BCAS4: variants seen among roughly 807,000 people sequenced by gnomAD.
The protein encoded by BCAS4 is breast carcinoma amplified sequence 4.
BCAS4 carries 9 observed loss-of-function variants against 15.7 expected under a neutral mutation model. That is an observed-to-expected ratio of 0.57 (90% confidence interval 0.34 to 1.00). The LOEUF is 1.00. Among genes scored for constraint, BCAS4 ranks in the 50% least tolerant of loss-of-function variants. The pLI, the probability that BCAS4 is intolerant of heterozygous loss-of-function variation, is 0.02. For missense variants in BCAS4, 225 were observed against 239.1 expected (o/e 0.94, Z 0.39); for synonymous variants, 101 against 99.5 (o/e 1.02, Z -0.09).
At chr20:50,848,247 C>T (rs867114005) in intron 4 of BCAS4, among the ~76,000 whole-genome samples, 2 of 152,172 alleles carry the variant, frequency 1.3e-5, no homozygotes, top group African/African-American at 4.8e-5. Context: ...CAGAGTGAGA[C>T]CCTGTCTCTG....
At chr20:50,810,175 C>T (rs1219916649) in intron 1 of BCAS4, among the ~76,000 whole-genome samples, 1 of 151,250 alleles carries the variant, frequency 6.6e-6, no homozygotes, top group East Asian at 1.9e-4. Context: ...AATCTAGTTG[C>T]CCTGTGATAC....
intron 4 of BCAS4, among the ~76,000 whole-genome samples, chr20:50,874,736 G>T (rs1340677701): frequency 6.6e-6 from 1 of 152,192 alleles, no homozygotes; most frequent in African/African-American, 2.4e-5. Context: ...GTCAAGTGCA[G>T]GGGGAGGGGA....
At chr20:50,855,523 C>T (rs1451458440) in intron 4 of BCAS4, among the ~76,000 whole-genome samples, 1 of 151,958 alleles carries the variant, frequency 6.6e-6, no homozygotes, top group Non-Finnish European at 1.5e-5. Flanking sequence ...CCACCTCCAC[C>T]TGCATCTCTG....
At chr20:50,852,132 G>A (rs141630428) in intron 4 of BCAS4, among the ~76,000 whole-genome samples, 11 of 152,326 alleles carry the variant, frequency 7.2e-5, no homozygotes, top group Admixed American at 2.0e-4. Context: ...TGAGGAAACC[G>A]AGGATCAGAG....
chr20:50,871,382 G>T (rs558464015), intron 4 of BCAS4, among the ~76,000 whole-genome samples: 3 of 152,248 alleles, frequency 2.0e-5, no homozygotes, highest in African/African-American at 2.4e-5. Flanking sequence ...CTGTCCACCC[G>T]CCAGGGCGTC....
intron 4 of BCAS4, among the ~76,000 whole-genome samples, chr20:50,873,449 C>T (rs919896660): frequency 2.0e-5 from 3 of 152,190 alleles, no homozygotes; most frequent in African/African-American, 4.8e-5. Flanking sequence ...CTCTTTGGCC[C>T]CTAGTCATGT....
intron 4 of BCAS4, among the ~76,000 whole-genome samples, chr20:50,844,755 C>A (rs2088523090): frequency 6.6e-6 from 1 of 152,150 alleles, no homozygotes; most frequent in Non-Finnish European, 1.5e-5. Flanking sequence ...GCATCCCCCC[C>A]CGGGGTGTGG....
At chr20:50,820,236 T>C (rs192741094) in intron 2 of BCAS4, among the ~76,000 whole-genome samples, 3 of 152,212 alleles carry the variant, frequency 2.0e-5, no homozygotes, top group African/African-American at 7.2e-5. Flanking sequence ...CAAGCCCCAG[T>C]GTATGTGGGG....
At chr20:50,797,958 C>T (rs2087886697) in intron 1 of BCAS4, among the ~76,000 whole-genome samples, 1 of 151,884 alleles carries the variant, frequency 6.6e-6, no homozygotes, top group Non-Finnish European at 1.5e-5. Flanking sequence ...AGCCACTGTG[C>T]GTGGCCACCT....
At chr20:50,822,636 GTTT>G (rs1231222139) in intron 2 of BCAS4, among the ~76,000 whole-genome samples, 1 of 140,402 alleles carries the variant, frequency 7.1e-6, no homozygotes. Context: ...TTTCTTACAG[GTTT>G]TTTTTTTTTT....
At chr20:50,802,683 C>A (rs1056664628) in intron 1 of BCAS4, among the ~76,000 whole-genome samples, 3 of 152,184 alleles carry the variant, frequency 2.0e-5, no homozygotes, top group African/African-American at 2.4e-5. Context: ...ACCAGCCTGG[C>A]CAACATGGTG....
At chr20:50,830,242 G>A in intron 2 of BCAS4, 37 bp from the exon 3 acceptor site, 2 of 1,555,032 alleles carry the variant, frequency 1.3e-6, no homozygotes, top group Non-Finnish European at 1.8e-6. Context: ...CACAGTGATG[G>A]GGCAGAAGGC....
downstream of BCAS4, chr20:50,880,955 C>T (rs899178053): frequency 6.6e-6 from 1 of 152,088 alleles, no homozygotes; most frequent in African/African-American, 2.4e-5. Context: ...ATCTATTGGC[C>T]GGGTGCAGTG....
intron 4 of BCAS4, among the ~76,000 whole-genome samples, chr20:50,862,688 G>T (rs549930012): frequency 6.6e-6 from 1 of 152,228 alleles, no homozygotes; most frequent in African/African-American, 2.4e-5. Flanking sequence ...TCTGAAGCAG[G>T]TCCTTCAGCT....
chr20:50,797,565 A>C (rs994176535), intron 1 of BCAS4, among the ~76,000 whole-genome samples: 6 of 152,186 alleles, frequency 3.9e-5, no homozygotes, highest in Non-Finnish European at 7.3e-5. Context: ...AATTAAAAAT[A>C]ACACGAACAA....
intron 1 of BCAS4, among the ~76,000 whole-genome samples, chr20:50,815,594 G>T (rs540988463): frequency 6.6e-6 from 1 of 152,056 alleles, no homozygotes; most frequent in African/African-American, 2.4e-5. Flanking sequence ...CTTTTTCCCC[G>T]TCTTCTCTCC....
At chr20:50,798,436 G>A (rs2087892062) in intron 1 of BCAS4, among the ~76,000 whole-genome samples, 1 of 152,174 alleles carries the variant, frequency 6.6e-6, no homozygotes, top group Non-Finnish European at 1.5e-5. Context: ...TACTTTGGGA[G>A]GCCAAGACTG....
At chr20:50,816,763 T>A (rs543609933) in intron 1 of BCAS4, among the ~76,000 whole-genome samples, 1 of 150,290 alleles carries the variant, frequency 6.7e-6, no homozygotes, top group Non-Finnish European at 1.5e-5. Flanking sequence ...TAGCTGGGAC[T>A]ACAGACATGC....
chr20:50,818,150 G>T (rs2088163473), intron 1 of BCAS4, 61 bp from the exon 2 acceptor site: 41 of 1,360,214 alleles, frequency 3.0e-5, no homozygotes, highest in Non-Finnish European at 3.8e-5. Context: ...AAAAAAAAAT[G>T]AAGGGTGTTT....
Sources: gnomAD v4.1 joint callset for allele counts (sites outside exome capture counted in the v4.1 genomes callset) on GRCh38, gnomAD v4.1.1 for gene constraint, MANE v1.5 for transcripts, NCBI Gene and HGNC (gene_info 2026-07-23, HGNC 2026-07-21) for gene names.